CNTNAP5: variants seen among roughly 807,000 people sequenced by gnomAD.
CNTNAP5 encodes the protein contactin associated protein family member 5, also known as contactin-associated protein-like 5.
A neutral mutation model predicts 150.2 loss-of-function variants in CNTNAP5; 72 were observed. That is an observed-to-expected ratio of 0.48 (90% CI 0.40 to 0.58). The LOEUF (loss-of-function observed/expected upper bound fraction) is 0.58, where lower values mean the gene tolerates loss of function less well. CNTNAP5 is among the 20% of genes least tolerant of loss of function. The pLI, the probability that CNTNAP5 is intolerant of heterozygous loss-of-function variation, is 0.00. For missense variants in CNTNAP5, 1,636 were observed against 1,626.2 expected, an observed-to-expected ratio of 1.01 and a Z score of -0.10; for synonymous variants, 672 against 619.8, an observed-to-expected ratio of 1.08 and a Z score of -1.25.
intron 3 of CNTNAP5, among the ~76,000 whole-genome samples, chr2:124,350,162 G>A (rs1054111170): frequency 1.3e-5 from 2 of 151,726 alleles, no homozygotes; most frequent in African/African-American, 2.4e-5. Context: ...GATTACAGGC[G>A]TGAGCCACCA....
intron 13 of CNTNAP5, among the ~76,000 whole-genome samples, chr2:124,678,015 G>A (rs1036839180): frequency 6.6e-6 from 1 of 151,878 alleles, no homozygotes; most frequent in African/African-American, 2.4e-5. Context: ...GTTTCTTTAA[G>A]TTCCCACATG....
intron 11 of CNTNAP5, among the ~76,000 whole-genome samples, chr2:124,580,862 T>C (rs1696395430): frequency 6.6e-6 from 1 of 152,206 alleles, no homozygotes; most frequent in African/African-American, 2.4e-5. Flanking sequence ...AAAGGAGAAG[T>C]TCAGAACAAT....
At chr2:124,291,569 T>C (rs930353387) in intron 3 of CNTNAP5, among the ~76,000 whole-genome samples, 2 of 151,998 alleles carry the variant, frequency 1.3e-5, no homozygotes, top group Non-Finnish European at 2.9e-5. Flanking sequence ...TGCGTAGACC[T>C]ATGATTTAAT....
At chr2:124,737,010 A>G (rs917464293) in intron 13 of CNTNAP5, among the ~76,000 whole-genome samples, 26 of 152,218 alleles carry the variant, frequency 1.7e-4, no homozygotes, top group Admixed American at 9.8e-4. Context: ...TAAGAACAAT[A>G]GGCTGGGAGC....
chr2:124,716,714 A>G lies in CNTNAP5; in HGVS notation c.2078-30515A>G, dbSNP rs542158760. ...CTAAGAGAATAGAAGACAAAAACAC[A>G]TATTTTTAGAATAGGCAACTGCTAG... is the stretch of plus-strand genomic sequence containing the variant. On this transcript the variant is annotated intron_variant, in intron 13 of 23. Transcript: ENST00000682447. 2.0e-4 allele frequency among the ~76,000 whole-genome samples: 31 copies of G among 152,280 alleles called. 1 individual carries two copies. The South Asian group carries it at 6.2e-3, about 31-fold the overall frequency.
At chr2:124,696,875 T>TTCA (rs1229097934) in intron 13 of CNTNAP5, among the ~76,000 whole-genome samples, 1 of 152,206 alleles carries the variant, frequency 6.6e-6, no homozygotes, top group Non-Finnish European at 1.5e-5. Context: ...GCAGATCTGG[T>TTCA]ATAGCTAGTG....
chr2:124,785,800 G>A (rs779847372), intron 17 of CNTNAP5, among the ~76,000 whole-genome samples: 6 of 152,228 alleles, frequency 3.9e-5, no homozygotes, highest in Non-Finnish European at 5.9e-5. Flanking sequence ...ACGTACAGCA[G>A]AATCACATTT....
intron 1 of CNTNAP5, among the ~76,000 whole-genome samples, chr2:124,031,058 G>A (rs1173966835): frequency 6.7e-6 from 1 of 150,246 alleles, no homozygotes; most frequent in Non-Finnish European, 1.5e-5. Context: ...TTCAAATCTT[G>A]CATTTATTTT....
intron 1 of CNTNAP5, among the ~76,000 whole-genome samples, chr2:124,211,072 A>G (rs930544719): frequency 6.6e-6 from 1 of 152,178 alleles, no homozygotes; most frequent in African/African-American, 2.4e-5. Context: ...GATAAAACCT[A>G]AAAAGTATAC....
intron 1 of CNTNAP5, among the ~76,000 whole-genome samples, chr2:124,161,280 A>G (rs1258801588): frequency 6.6e-6 from 1 of 152,158 alleles, no homozygotes; most frequent in Non-Finnish European, 1.5e-5. Context: ...CTGAGACGAA[A>G]ACTTGGTCTT....
At chr2:124,786,446 G>GGAAAGAAA in intron 17 of CNTNAP5, among the ~76,000 whole-genome samples, 1 of 78,852 alleles carries the variant, frequency 1.3e-5, no homozygotes, top group Non-Finnish European at 2.3e-5. Context: ...AAGGAAGGAA[G>GGAAAGAAA]GAAAGAAAGA....
intron 23 of CNTNAP5, 37 bp from the exon 24 acceptor site, chr2:124,914,055 C>T (rs763384793): frequency 2.3e-5 from 35 of 1,513,364 alleles, no homozygotes; most frequent in Middle Eastern, 3.4e-4. Context: ...TGACTCATGA[C>T]GATTTCCTTC....
At chr2:124,445,380 G>A (rs1230138664) in intron 5 of CNTNAP5, among the ~76,000 whole-genome samples, 1 of 152,138 alleles carries the variant, frequency 6.6e-6, no homozygotes, top group African/African-American at 2.4e-5. Flanking sequence ...TTACAGGCGT[G>A]AGCCACTGTA....
intron 22 of CNTNAP5, among the ~76,000 whole-genome samples, chr2:124,905,786 G>T (rs184438606): frequency 7.9e-5 from 12 of 152,280 alleles, no homozygotes; most frequent in Admixed American, 7.2e-4. Context: ...GGTGAACCAG[G>T]TAGGCAAGCT....
intron 17 of CNTNAP5, among the ~76,000 whole-genome samples, chr2:124,789,453 G>A (rs950284177): frequency 6.6e-6 from 1 of 152,000 alleles, no homozygotes; most frequent in Non-Finnish European, 1.5e-5. Flanking sequence ...TTATTATGTG[G>A]GTAAACTTGT....
chr2:124,317,463 C>T (rs1688996231), intron 3 of CNTNAP5, among the ~76,000 whole-genome samples: 1 of 152,160 alleles, frequency 6.6e-6, no homozygotes, highest in South Asian at 2.1e-4. Flanking sequence ...CTCGCCAGTG[C>T]TCACAAAGGC....
intron 3 of CNTNAP5, among the ~76,000 whole-genome samples, chr2:124,253,687 A>T (rs1687240972): frequency 6.6e-6 from 1 of 152,202 alleles, no homozygotes; most frequent in Non-Finnish European, 1.5e-5. Flanking sequence ...AATGTATTTT[A>T]AAAATAATTG....
At chr2:124,411,104 C>T (rs1311259511) in intron 3 of CNTNAP5, among the ~76,000 whole-genome samples, 1 of 152,190 alleles carries the variant, frequency 6.6e-6, no homozygotes, top group Non-Finnish European at 1.5e-5. Flanking sequence ...ACAAACACCT[C>T]TATGCAAATA....
intron 13 of CNTNAP5, among the ~76,000 whole-genome samples, chr2:124,738,175 T>G (rs1680426592): frequency 6.6e-6 from 1 of 152,218 alleles, no homozygotes; most frequent in East Asian, 1.9e-4. Context: ...ACTAAATCTC[T>G]GAGGCTTAAC....
Sources: gnomAD v4.1 joint callset for allele counts (sites outside exome capture counted in the v4.1 genomes callset) on GRCh38, gnomAD v4.1.1 for gene constraint, MANE v1.5 for transcripts, NCBI Gene and HGNC (gene_info 2026-07-23, HGNC 2026-07-21) for gene names.